Variants in TMPRSS11F observed in about 807,000 individuals in gnomAD.
TMPRSS11F encodes transmembrane serine protease 11F, also known as transmembrane protease serine 11F.
A neutral mutation model predicts 60.2 loss-of-function variants in TMPRSS11F; 47 were observed. That is an observed-to-expected ratio of 0.78 (90% CI 0.62 to 1.00). The LOEUF (loss-of-function observed/expected upper bound fraction) is 1.00. Among genes scored for constraint, TMPRSS11F ranks in the 50% least tolerant of loss-of-function variants. The pLI, the probability that TMPRSS11F is intolerant of heterozygous loss-of-function variation, is 0.00. For missense variants in TMPRSS11F, 519 were observed against 522.9 expected (o/e 0.99, Z 0.07); for synonymous variants, 166 against 167.3 (o/e 0.99, Z 0.06).
At chr4:68,066,803 G>A (rs566866077) in intron 7 of TMPRSS11F, among the ~76,000 whole-genome samples, 12 of 151,810 alleles carry the variant, frequency 7.9e-5, no homozygotes, top group African/African-American at 2.7e-4. Context: ...GCGCGGTGGC[G>A]GGCGCTTGTA....
At position 68,053,819 on chromosome 4, in the gene TMPRSS11F, A is replaced by C. The variant is rs1032048406; in HGVS notation, c.*90T>G. 7.4e-5 allele frequency: 99 copies of C among 1,332,902 alleles called. No individual in the cohort carries two copies. The highest frequency in any genetic ancestry group is 9.8e-5 in the Non-Finnish European group (94 of 962,388). 82.6% of individuals were successfully genotyped at this position (1,332,902 alleles called of 1,614,324 possible). ...GGGCTTCTTGACATCTAGCAAAAGC[A>C]CTAATCCAAAGTAAATGAATTTAAA... On this transcript the variant is annotated 3_prime_UTR_variant, in exon 10 of 10. Transcript: ENST00000356291.
Position 68,064,707 on chromosome 4 carries a change from T to C in TMPRSS11F, c.993A>G (p.Gly331=). 6.2e-7 allele frequency: 1 copy of C among 1,614,136 alleles called. No individual in the cohort carries two copies. Among genetic ancestry groups the C allele is most frequent in the Non-Finnish European group, 8.5e-7 (1 of 1,180,026 alleles). The change falls in exon 8 of 10, where the codon GGA becomes GGG. Residue 331 remains glycine, a synonymous_variant. Transcript: ENST00000356291. ...CACCATCATCTACAATGGATCCAAATCCTGTGACGAACACACTTGTTTTAG... is the reference window on the plus strand; with the variant it reads ...CACCATCATCTACAATGGATCCAAACCCTGTGACGAACACACTTGTTTTAG... The part of the protein sequence containing the change: ...LPPKTSVFVT[G]FGSIVDDGPI...
At chr4:68,079,687 AC>A (rs1723653509) in intron 3 of TMPRSS11F, among the ~76,000 whole-genome samples, 1 of 152,214 alleles carries the variant, frequency 6.6e-6, no homozygotes, top group African/African-American at 2.4e-5. Flanking sequence ...TACAGTTCAA[AC>A]CTAAGAATAG....
In TMPRSS11F at chr4:68,061,302, A is replaced by T. The variant is rs932345875; in HGVS notation, c.1016-1834T>A. ...ATAAAAATCGAAGGCTTAATTTTGC[A>T]AATACAACTTTCAAGCCGTATGAGC... On this transcript the variant is annotated intron_variant, in intron 8 of 9. Transcript: ENST00000356291. Among the ~76,000 whole-genome samples, 69 of 152,322 alleles carry T rather than the reference A, an allele frequency of 4.5e-4. 1 individual carries two copies. The highest frequency in any genetic ancestry group is 4.2e-3 in the Admixed American group (65 of 15,304).
Position 68,082,770 on chromosome 4 carries a change from C to T in TMPRSS11F, c.282+7753G>A, listed in dbSNP as rs572584793. Among the ~76,000 whole-genome samples the T allele has an allele frequency of 4.6e-5, 7 of 152,362 alleles. No homozygotes were observed. In the East Asian group the frequency reaches 1.4e-3, roughly 29 times the overall value. ...GCAGCAGGGGAAGAGCCCCCACTCT[C>T]AGAACACTGAGAAGAGTGAGACATG... On this transcript the variant is annotated intron_variant, in intron 3 of 9. Coordinates refer to ENST00000356291, the MANE Select transcript of TMPRSS11F (RefSeq NM_207407.2).
At position 68,061,457 on chromosome 4, in the gene TMPRSS11F, T is replaced by C. The variant is rs1198111680; in HGVS notation, c.1016-1989A>G. On this transcript the variant is annotated intron_variant, in intron 8 of 9. Transcript: ENST00000356291. ...CTCAGAACTGTTTTTAACATGATGT[T>C]CCGATTTAAACTGAGAACTGCATAG... 2.0e-5 allele frequency among the ~76,000 whole-genome samples: 3 copies of C among 152,182 alleles called. No individual in the cohort carries two copies. The East Asian group carries it at 5.8e-4, about 29-fold the overall frequency.
At position 68,093,129 on chromosome 4, in the gene TMPRSS11F, AT is replaced by A. The variant is rs147635185; in HGVS notation, c.164-2489del. Among the ~76,000 whole-genome samples the A allele has an allele frequency of 2.3e-3, 353 of 152,362 alleles. 2 individuals are homozygous for A. Among genetic ancestry groups the A allele is most frequent in the African/African-American group, 8.1e-3 (337 of 41,590 alleles). ...TTTATAAAAGATCAATTAGGAAGCC[AT>A]TGTAGAAATCGAATTTAATAATGGC... On this transcript the variant is annotated intron_variant, in intron 2 of 9. Transcript: ENST00000356291.
Position 68,097,223 on chromosome 4 carries a change from C to T in TMPRSS11F, c.163+1664G>A, listed in dbSNP as rs562554593. 2.6e-5 allele frequency among the ~76,000 whole-genome samples: 4 copies of T among 152,270 alleles called. No homozygotes were observed. In the South Asian group the frequency reaches 8.3e-4, roughly 32 times the overall value. On this transcript the variant is annotated intron_variant, in intron 2 of 9. Coordinates refer to ENST00000356291, the MANE Select transcript of TMPRSS11F (RefSeq NM_207407.2). ...TTACTGTAGGTTTGGTGACTTAAAA[C>T]AACACGAATTTATACTCTTACAGTT...
At chr4:68,101,745 T>C (rs966545372) in intron 1 of TMPRSS11F, among the ~76,000 whole-genome samples, 4 of 152,198 alleles carry the variant, frequency 2.6e-5, no homozygotes, top group African/African-American at 7.2e-5. Flanking sequence ...AACATGATGT[T>C]AAGGAATACA....
At chr4:68,096,089 T>C (rs1240930160) in intron 2 of TMPRSS11F, among the ~76,000 whole-genome samples, 1 of 151,168 alleles carries the variant, frequency 6.6e-6, no homozygotes, top group African/African-American at 2.4e-5. Context: ...AATTATGGAA[T>C]ATTTAAGATA....
At chr4:68,102,087 T>A (rs1278126169) in intron 1 of TMPRSS11F, among the ~76,000 whole-genome samples, 2 of 152,188 alleles carry the variant, frequency 1.3e-5, no homozygotes, top group Non-Finnish European at 2.9e-5. Context: ...TTTTTCTCTC[T>A]GTTTCTGGCT....
intron 2 of TMPRSS11F, among the ~76,000 whole-genome samples, chr4:68,093,089 A>C (rs1180686170): frequency 6.6e-6 from 1 of 152,214 alleles, no homozygotes; most frequent in Admixed American, 6.5e-5. Context: ...GAAGAAATTC[A>C]ACATTAAATA....
At chr4:68,075,441 C>T (rs377143335) in intron 3 of TMPRSS11F, among the ~76,000 whole-genome samples, 9 of 152,116 alleles carry the variant, frequency 5.9e-5, no homozygotes, top group African/African-American at 2.2e-4. Context: ...CACAATCTTA[C>T]CCCTTCATTG....
intron 1 of TMPRSS11F, among the ~76,000 whole-genome samples, chr4:68,113,584 G>A (rs999883700): frequency 6.6e-6 from 1 of 152,096 alleles, no homozygotes. Context: ...CATAACAAAT[G>A]TTAAAACGAT....
At chr4:68,105,863 T>A (rs1724294104) in intron 1 of TMPRSS11F, among the ~76,000 whole-genome samples, 1 of 152,180 alleles carries the variant, frequency 6.6e-6, no homozygotes, top group Admixed American at 6.5e-5. Context: ...CAGTATTTAC[T>A]ACCCAAATTC....
intron 1 of TMPRSS11F, among the ~76,000 whole-genome samples, chr4:68,110,293 T>A (rs1247095750): frequency 6.6e-6 from 1 of 152,158 alleles, no homozygotes; most frequent in African/African-American, 2.4e-5. Context: ...ACAAATACAA[T>A]ATTCATTTTA....
intron 6 of TMPRSS11F, 96 bp downstream of exon 6, chr4:68,069,873 A>C (rs2109842583): frequency 4.1e-6 from 4 of 987,088 alleles, no homozygotes; most frequent in South Asian, 3.7e-5. Flanking sequence ...AATGAGTCTT[A>C]AAAAGCTTGG....
intron 3 of TMPRSS11F, among the ~76,000 whole-genome samples, chr4:68,076,741 A>G (rs1366924862): frequency 6.6e-6 from 1 of 152,238 alleles, no homozygotes; most frequent in Non-Finnish European, 1.5e-5. Flanking sequence ...ATGGCAGTCA[A>G]GATAGCACCA....
chr4:68,113,328 T>C (rs914641489), intron 1 of TMPRSS11F, among the ~76,000 whole-genome samples: 4 of 152,052 alleles, frequency 2.6e-5, no homozygotes, highest in African/African-American at 9.7e-5. Context: ...AGTGACAAAA[T>C]TGGATATTGG....
Sources: gnomAD v4.1 joint callset for allele counts (sites outside exome capture counted in the v4.1 genomes callset) on GRCh38, gnomAD v4.1.1 for gene constraint, MANE v1.5 for transcripts, NCBI Gene and HGNC (gene_info 2026-07-23, HGNC 2026-07-21) for gene names.